GALNT2: variants seen among roughly 807,000 people sequenced by gnomAD.
GALNT2 encodes the protein polypeptide N-acetylgalactosaminyltransferase 2, also known as UDP-GalNAc:polypeptide N-acetylgalactosaminyltransferase 2.
A neutral mutation model predicts 81.4 loss-of-function variants in GALNT2; 31 were observed. The ratio of observed to expected loss-of-function variants is 0.38; its 90% CI spans 0.29 to 0.51. GALNT2 has a LOEUF of 0.51. Among genes scored for constraint, GALNT2 ranks in the 20% least tolerant of loss-of-function variants. GALNT2 has a pLI of 0.87. For missense variants in GALNT2, 629 were observed against 765.7 expected (o/e 0.82, Z 2.11); for synonymous variants, 303 against 287.4 (o/e 1.05, Z -0.55).
chr1:230,134,932 A>G (rs973739785), intron 1 of GALNT2, among the ~76,000 whole-genome samples: 1 of 152,230 alleles, frequency 6.6e-6, no homozygotes, highest in Non-Finnish European at 1.5e-5. Context: ...GCTGTATTTA[A>G]GTATGATCAG....
intron 3 of GALNT2, among the ~76,000 whole-genome samples, chr1:230,210,582 C>T (rs554198582): frequency 2.6e-5 from 4 of 152,152 alleles, no homozygotes; most frequent in African/African-American, 4.8e-5. Context: ...TACATCTAAT[C>T]GGTTTATCTT....
At chr1:230,111,933 C>A (rs1044353460) in intron 1 of GALNT2, among the ~76,000 whole-genome samples, 2 of 148,512 alleles carry the variant, frequency 1.3e-5, no homozygotes, top group Admixed American at 6.7e-5. Context: ...TTTTTTTAAA[C>A]ATATCCCCTT....
At chr1:230,247,221 A>G (rs1270009335) in intron 8 of GALNT2, among the ~76,000 whole-genome samples, 1 of 152,196 alleles carries the variant, frequency 6.6e-6, no homozygotes, top group Non-Finnish European at 1.5e-5. Context: ...CTGCTTATTC[A>G]TACACACACA....
intron 1 of GALNT2, among the ~76,000 whole-genome samples, chr1:230,159,019 T>C (rs1466260999): frequency 6.6e-6 from 1 of 152,206 alleles, no homozygotes; most frequent in Non-Finnish European, 1.5e-5. Context: ...AAGGGGCAGG[T>C]GGCATGTGTC....
intron 3 of GALNT2, among the ~76,000 whole-genome samples, chr1:230,230,884 ATC>A (rs1407704850): frequency 2.6e-5 from 4 of 152,132 alleles, no homozygotes; most frequent in Non-Finnish European, 5.9e-5. Context: ...CTTCGTGGCT[ATC>A]TCATAAGAAG....
chr1:230,276,727 C>G (rs562404775), intron 15 of GALNT2, among the ~76,000 whole-genome samples: 16 of 152,348 alleles, frequency 1.1e-4, no homozygotes, highest in Middle Eastern at 3.4e-3. Context: ...ATCCGCATCT[C>G]TAAATGTCCA....
intron 3 of GALNT2, among the ~76,000 whole-genome samples, chr1:230,225,162 G>A (rs895733393): frequency 6.6e-6 from 1 of 152,224 alleles, no homozygotes; most frequent in Non-Finnish European, 1.5e-5. Context: ...ATGCCATTAT[G>A]ACTGTTTGGA....
chr1:230,092,141 T>C (rs899142056), intron 1 of GALNT2: 1 of 151,452 alleles, frequency 6.6e-6, no homozygotes, highest in African/African-American at 2.4e-5. Flanking sequence ...ACGTATTATA[T>C]TTAATTGGAT....
At position 230,250,493 on chromosome 1, in the gene GALNT2, T is replaced by A. The variant is rs1273724569; in HGVS notation, c.942T>A (p.Asp314Glu). ...PMIAGGLFVM[D>E]KFYFEELGKY... is the part of the protein sequence containing the mutation. ...TTGCTGGTGGGCTGTTTGTGATGGATAAGTTCTATTTTGAAGAACTGGGGA... is the reference window on the plus strand; with the variant it reads ...TTGCTGGTGGGCTGTTTGTGATGGAAAAGTTCTATTTTGAAGAACTGGGGA... Residue 314 changes from aspartate (D) to glutamate (E), a missense_variant, in exon 10 of 16, where the codon GAT (aspartate) becomes GAA (glutamate). Physicochemically the swap from Asp to Glu is conservative, Grantham distance 45 (BLOSUM62 2). Transcript: ENST00000366672. 3 of 1,614,100 alleles carry A rather than the reference T, an allele frequency of 1.9e-6. No individual in the cohort carries two copies. The Admixed American group carries it at 5.0e-5, about 27-fold the overall frequency.
chr1:230,252,138 T>A (rs911893981), intron 10 of GALNT2, among the ~76,000 whole-genome samples: 3 of 152,168 alleles, frequency 2.0e-5, no homozygotes, highest in African/African-American at 7.2e-5. Context: ...GAGCTTCACG[T>A]GAGAAGGCCA....
At chr1:230,141,345 C>T (rs1661725368) in intron 1 of GALNT2, among the ~76,000 whole-genome samples, 1 of 152,188 alleles carries the variant, frequency 6.6e-6, no homozygotes, top group Non-Finnish European at 1.5e-5. Context: ...ATAAAATTTG[C>T]TGTCTTAACC....
At chr1:230,080,499 A>C (rs1659694541) in intron 1 of GALNT2, among the ~76,000 whole-genome samples, 1 of 152,152 alleles carries the variant, frequency 6.6e-6, no homozygotes, top group Non-Finnish European at 1.5e-5. Context: ...GCAGGTTGCC[A>C]GGGTGACTCT....
intron 2 of GALNT2, among the ~76,000 whole-genome samples, chr1:230,192,608 A>G (rs1178758820): frequency 6.6e-6 from 1 of 152,250 alleles, no homozygotes; most frequent in Non-Finnish European, 1.5e-5. Flanking sequence ...TGAAGAAGAG[A>G]TATAGGATGA....
chr1:230,111,928 TTA>T (rs1660715871), intron 1 of GALNT2, among the ~76,000 whole-genome samples: 1 of 150,420 alleles, frequency 6.6e-6, no homozygotes, highest in African/African-American at 2.5e-5. Flanking sequence ...TTTTTTTTTT[TTA>T]AACATATCCC....
chr1:230,204,146 C>G (rs933836718), intron 3 of GALNT2, among the ~76,000 whole-genome samples: 1 of 147,228 alleles, frequency 6.8e-6, no homozygotes, highest in East Asian at 2.0e-4. Context: ...CTCCTGACCT[C>G]CTTCTTTTTC....
At chr1:230,208,452 G>A (rs1664132744) in intron 3 of GALNT2, among the ~76,000 whole-genome samples, 1 of 152,188 alleles carries the variant, frequency 6.6e-6, no homozygotes. Flanking sequence ...GCTCAGTGTA[G>A]GTGGACCTGT....
intron 1 of GALNT2, among the ~76,000 whole-genome samples, chr1:230,097,765 T>C (rs1483988304): frequency 6.6e-6 from 1 of 152,210 alleles, no homozygotes; most frequent in Non-Finnish European, 1.5e-5. Flanking sequence ...ATTCTTGATA[T>C]CTCAGGAAAA....
At chr1:230,093,001 C>T (rs371049836) in intron 1 of GALNT2, among the ~76,000 whole-genome samples, 106 of 152,274 alleles carry the variant, frequency 7.0e-4, no homozygotes, top group African/African-American at 2.1e-3. Flanking sequence ...CATAATCCTG[C>T]GTGGCAGGTA....
In GALNT2 at chr1:230,067,259, C is replaced by G. The variant is rs1571920842; in HGVS notation, c.-22C>G. 3 of 1,286,758 alleles carry G rather than the reference C, an allele frequency of 2.3e-6. No homozygotes were observed. Among genetic ancestry groups the G allele is most frequent in the South Asian group, 4.2e-5 (2 of 47,108 alleles). 79.7% of individuals were successfully genotyped at this position (1,286,758 alleles called of 1,614,324 possible). ...CAGCACTCGCGAGCAGCGGCGGCCC[C>G]GCCGGCGGCCGAGTTGGGAGAATGC... On this transcript the variant is annotated 5_prime_UTR_variant, in exon 1 of 16. Coordinates refer to ENST00000366672, the MANE Select transcript of GALNT2 (RefSeq NM_004481.5).
Sources: allele counts gnomAD v4.1 joint callset (sites outside exome capture counted in the v4.1 genomes callset), GRCh38; gene constraint gnomAD v4.1.1; transcripts MANE v1.5; gene names NCBI Gene and HGNC (gene_info 2026-07-23, HGNC 2026-07-21).